RBM6: variants seen among roughly 807,000 people sequenced by gnomAD.
RBM6 encodes the protein RNA binding motif protein 6.
RBM6 carries 23 observed loss-of-function variants against 140.4 expected under a neutral mutation model. That is an observed-to-expected ratio of 0.16 (90% CI 0.12 to 0.23). The LOEUF is 0.23. Among genes scored for constraint, RBM6 ranks in the 10% least tolerant of loss-of-function variants. The probability of loss-of-function intolerance (pLI) is 1.00; values close to 1 mark genes in which losing one functional copy is unlikely to be tolerated. For missense variants in RBM6, 1,139 were observed against 1,386.7 expected (o/e 0.82, Z 2.84); for synonymous variants, 439 against 475.6 (o/e 0.92, Z 1.00).
chr3:49,945,958 A>G (rs1461936438), intron 1 of RBM6, among the ~76,000 whole-genome samples: 1 of 151,854 alleles, frequency 6.6e-6, no homozygotes, highest in Non-Finnish European at 1.5e-5. Context: ...CTTCGTAAGA[A>G]AAGGACTGGA....
chr3:50,018,594 T>TTG (rs2087304397), intron 6 of RBM6, among the ~76,000 whole-genome samples: 2 of 133,240 alleles, frequency 1.5e-5, no homozygotes, highest in African/African-American at 5.7e-5. Context: ...TTTTTTTTTT[T>TTG]TTTTTTTTTT....
intron 1 of RBM6, among the ~76,000 whole-genome samples, chr3:49,942,470 C>T (rs2083327570): frequency 7.2e-6 from 1 of 138,358 alleles, no homozygotes; most frequent in African/African-American, 2.7e-5. Context: ...GCCTGGGCAA[C>T]AGAGCGAGAC....
At chr3:49,955,112 A>G (rs889170979) in intron 1 of RBM6, among the ~76,000 whole-genome samples, 25 of 148,214 alleles carry the variant, frequency 1.7e-4, no homozygotes, top group African/African-American at 6.0e-4. Context: ...ATCAATTAAC[A>G]TAGCTACTTT....
In RBM6 at chr3:50,052,209, C is replaced by T. The variant is rs140490352; in HGVS notation, c.1633-2126C>T. On this transcript the variant is annotated intron_variant, in intron 7 of 20. Transcript: ENST00000266022. ...CCTCCCAAGTAGCTGGGATTACAGG[C>T]GTGTGCCACCATCCCCAGCTAATTT... Among the ~76,000 whole-genome samples, 5 of 152,228 alleles carry T rather than the reference C, an allele frequency of 3.3e-5. No individual in the cohort carries two copies. The South Asian group carries it at 8.3e-4, about 25-fold the overall frequency.
At chr3:49,973,128 G>A (rs1271313638) in intron 4 of RBM6, among the ~76,000 whole-genome samples, 1 of 151,834 alleles carries the variant, frequency 6.6e-6, no homozygotes, top group African/African-American at 2.4e-5. Context: ...ACCAAGCCCA[G>A]CCCATTTTTG....
chr3:50,024,682 G>T (rs377601441), intron 6 of RBM6, among the ~76,000 whole-genome samples: 1 of 152,138 alleles, frequency 6.6e-6, no homozygotes, highest in Non-Finnish European at 1.5e-5. Flanking sequence ...GGCCGGGCAC[G>T]ATGGCTCACG....
intron 6 of RBM6, among the ~76,000 whole-genome samples, chr3:50,010,645 G>A (rs1237993387): frequency 6.6e-6 from 1 of 152,020 alleles, no homozygotes; most frequent in African/African-American, 2.4e-5. Flanking sequence ...GCTCACACCT[G>A]TAATCCCAGC....
intron 5 of RBM6, among the ~76,000 whole-genome samples, chr3:49,990,040 C>T (rs1202631693): frequency 6.6e-6 from 1 of 152,120 alleles, no homozygotes; most frequent in African/African-American, 2.4e-5. Context: ...AGCCACTGCA[C>T]CTGGCCTTTA....
intron 16 of RBM6, chr3:50,065,513 G>T: frequency 2.2e-6 from 1 of 460,298 alleles, no homozygotes; most frequent in South Asian, 1.6e-5. Context: ...GTGCATGCGT[G>T]GTCATTTTTT....
intron 13 of RBM6, 50 bp downstream of exon 13, chr3:50,061,271 A>G (rs1172782220): frequency 2.5e-5 from 41 of 1,611,940 alleles, no homozygotes; most frequent in Non-Finnish European, 3.4e-5. Flanking sequence ...TTGACTTGCT[A>G]CTCATTACTT....
chr3:50,006,543 G>C (rs2086584728), intron 6 of RBM6, among the ~76,000 whole-genome samples: 1 of 152,088 alleles, frequency 6.6e-6, no homozygotes, highest in Non-Finnish European at 1.5e-5. Flanking sequence ...CACTTTCTAA[G>C]GTGTACTTGA....
In RBM6 at chr3:49,967,555, T is replaced by C. The variant is rs1360714381; in HGVS notation, c.130T>C (p.Ser44Pro). Residue 44 changes from serine to proline, a missense_variant, in exon 3 of 21, where the codon TCT (serine) becomes CCT (proline). Transcript: ENST00000266022. The surrounding 1 kb of genome is among the most constrained non-coding windows in gnomAD (Gnocchi z 4.0). ...PLKSHAQERH[S>P]GNFPGRDSLP... ...TAAGAGTCATGCTCAAGAGAGACAC[T>C]CTGGCAACTTTCCTGGCAGAGATTC... 8 of 1,614,138 alleles carry C rather than the reference T, an allele frequency of 5.0e-6. No homozygotes were observed. The highest frequency in any genetic ancestry group is 6.8e-6 in the Non-Finnish European group (8 of 1,180,028).
At chr3:50,000,835 A>G (rs1363666320) in intron 6 of RBM6, among the ~76,000 whole-genome samples, 8 of 152,160 alleles carry the variant, frequency 5.3e-5, no homozygotes, top group Non-Finnish European at 1.0e-4. Context: ...GTGGCTCATT[A>G]TACGTACTTT....
At chr3:50,057,187 G>A (rs777218865) in intron 8 of RBM6, among the ~76,000 whole-genome samples, 1 of 152,182 alleles carries the variant, frequency 6.6e-6, no homozygotes, top group Non-Finnish European at 1.5e-5. Context: ...TAAATGCTTG[G>A]ATAGTTTCTT....
Position 50,077,052 on chromosome 3 carries a change from A to T in RBM6, c.3291A>T (p.Arg1097Ser). ...MRGPSVGASGRTSKRQSNETY... is the reference protein window; with the variant it reads ...MRGPSVGASGSTSKRQSNETY... ...GCCCCAGTGTTGGAGCCTCAGGAAG[A>T]ACCAGCAAAAGACAGTCCAACGAGA... Residue 1097 changes from arginine to serine, a missense_variant, in exon 21 of 21, where the codon AGA (arginine) becomes AGT (serine). By Grantham distance (110) the Arg-to-Ser change is moderately radical (BLOSUM62 -1). This residue lies in a region of RBM6 where 125 missense variants were observed against 142.0 expected (regional missense o/e 0.88). Coordinates refer to ENST00000266022, the MANE Select transcript of RBM6 (RefSeq NM_005777.3). The T allele has an allele frequency of 1.2e-5, 19 of 1,613,236 alleles. No individual in the cohort carries two copies. Among genetic ancestry groups the T allele is most frequent in the Non-Finnish European group, 1.4e-5 (17 of 1,179,880 alleles).
chr3:49,975,391 A>G lies in RBM6; in HGVS notation c.1482A>G (p.Thr494=). The change falls in exon 5 of 21, where the codon ACA becomes ACG. Residue 494 remains threonine, a splice_region_variant and synonymous_variant. Transcript: ENST00000266022. The part of the protein sequence containing the change: ...VKNLQLKEYN[T]GYDYGYVCVE... ...ACTTGCAGTTGAAGGAGTATAACACAGGTGAGTTTCTTGACTTGCATATGG... is the reference window on the plus strand; with the variant it reads ...ACTTGCAGTTGAAGGAGTATAACACGGGTGAGTTTCTTGACTTGCATATGG... 3 of 1,611,384 alleles carry G rather than the reference A, an allele frequency of 1.9e-6. No individual in the cohort carries two copies. The highest frequency in any genetic ancestry group is 2.5e-6 in the Non-Finnish European group (3 of 1,177,532).
chr3:50,040,460 AAAAAAAAAAAAATAT>A (rs1172697342), intron 6 of RBM6, among the ~76,000 whole-genome samples: 20 of 49,208 alleles, frequency 4.1e-4, no homozygotes, highest in African/African-American at 1.2e-3. Flanking sequence ...AAAAAAAAAA[AAAAAAAAAAAAATAT>A]ATATATATAT....
In RBM6 at chr3:49,968,737, C is replaced by T. The variant is rs765230457; in HGVS notation, c.1312C>T (p.Arg438Trp). ...PEGKTARDAQ[R>W]DLQDQDYRTG... ...GGGCAAAACTGCCCGAGATGCCCAA[C>T]GGGACCTTCAGGTATGTTGATGGGG... The change falls in exon 3 of 21, where the codon CGG becomes TGG. Residue 438 changes from arginine to tryptophan, a missense_variant. This residue lies in a region of RBM6 where 566 missense variants were observed against 612.7 expected (regional missense o/e 0.92). Coordinates refer to ENST00000266022, the MANE Select transcript of RBM6 (RefSeq NM_005777.3). The T allele has an allele frequency of 1.6e-5, 24 of 1,526,894 alleles. No individual in the cohort carries two copies. Among genetic ancestry groups the T allele is most frequent in the Admixed American group, 1.6e-4 (9 of 57,552 alleles). The allele number at this position is 1,526,894 out of a possible 1,614,324, so 94.6% of individuals were successfully genotyped here. A position where few individuals can be genotyped will look rare whatever the true frequency, so the allele number is the denominator to read the frequency against.
intron 1 of RBM6, among the ~76,000 whole-genome samples, chr3:49,959,285 T>G (rs936851318): frequency 6.7e-6 from 1 of 148,910 alleles, no homozygotes; most frequent in African/African-American, 2.5e-5. Flanking sequence ...GCCTCCTGGG[T>G]TCACACCATT....
Sources: gnomAD v4.1 joint callset for allele counts (sites outside exome capture counted in the v4.1 genomes callset) on GRCh38, gnomAD v4.1.1 for gene constraint, gnomAD v4.1.1 regional missense constraint, Gnocchi (gnomAD v3.1) non-coding constraint, MANE v1.5 for transcripts, NCBI Gene and HGNC (gene_info 2026-07-23, HGNC 2026-07-21) for gene names.